Variants in TASP1 observed in about 807,000 individuals in gnomAD.
TASP1 encodes threonine aspartase 1.
A neutral mutation model predicts 56.6 loss-of-function variants in TASP1; 16 were observed. That is an observed-to-expected ratio of 0.28 (90% CI 0.19 to 0.43). The LOEUF is 0.43. TASP1 is among the 20% of genes least tolerant of loss of function. The pLI, the probability that TASP1 is intolerant of heterozygous loss-of-function variation, is 1.00. For missense variants in TASP1, 393 were observed against 511.6 expected (o/e 0.77, Z 2.24); for synonymous variants, 179 against 184.2 (o/e 0.97, Z 0.23).
chr20:13,477,782 T>G (rs2042995592), intron 11 of TASP1, among the ~76,000 whole-genome samples: 1 of 152,174 alleles, frequency 6.6e-6, no homozygotes. Flanking sequence ...AGGCACTATT[T>G]TTACAGTACC....
the TASP1 span, among the ~76,000 whole-genome samples, chr20:13,209,616 C>G: frequency 6.6e-6 from 1 of 152,062 alleles, no homozygotes; most frequent in Admixed American, 6.5e-5. Flanking sequence ...GGCAAGAGTC[C>G]TAGTCATGAC....
chr20:13,394,067 G>C (rs572146589), intron 13 of TASP1, among the ~76,000 whole-genome samples: 1 of 151,240 alleles, frequency 6.6e-6, no homozygotes, highest in Non-Finnish European at 1.5e-5. Flanking sequence ...GATCCCCCGA[G>C]GTCAGGAGTT....
the TASP1 span, among the ~76,000 whole-genome samples, chr20:13,194,604 T>C: frequency 1.2e-4 from 18 of 151,792 alleles, no homozygotes; most frequent in Non-Finnish European, 1.9e-4. Flanking sequence ...TTTCCATGTG[T>C]CTTTTCTGCC....
chr20:13,488,959 C>G (rs1429631382), intron 10 of TASP1, among the ~76,000 whole-genome samples: 1 of 152,202 alleles, frequency 6.6e-6, no homozygotes, highest in Non-Finnish European at 1.5e-5. Flanking sequence ...CTGCTGCTCT[C>G]ACTTCATCAA....
chr20:13,160,284 C>T, the TASP1 span: 687 of 862,298 alleles, frequency 8.0e-4, 2 homozygotes, highest in African/African-American at 0.01. Flanking sequence ...AACAAGAGCT[C>T]GTCAACAACA....
At chr20:13,138,335 C>T in the TASP1 span, among the ~76,000 whole-genome samples, 14 of 152,294 alleles carry the variant, frequency 9.2e-5, no homozygotes, top group South Asian at 2.9e-3. Flanking sequence ...AGGCTCTCAT[C>T]CCTCCCCACA....
At chr20:13,599,277 C>T (rs954456900) in intron 4 of TASP1, among the ~76,000 whole-genome samples, 2 of 152,158 alleles carry the variant, frequency 1.3e-5, no homozygotes, top group South Asian at 2.1e-4. Flanking sequence ...TGGAACCAAC[C>T]TAAACATCCA....
intron 13 of TASP1, among the ~76,000 whole-genome samples, chr20:13,399,272 T>A (rs1052919533): frequency 6.6e-6 from 1 of 152,160 alleles, no homozygotes; most frequent in Non-Finnish European, 1.5e-5. Context: ...CATCCAAATG[T>A]TTTTTAAAAA....
At chr20:13,422,514 G>T (rs2042479845) in intron 12 of TASP1, among the ~76,000 whole-genome samples, 1 of 151,794 alleles carries the variant, frequency 6.6e-6, no homozygotes, top group African/African-American at 2.4e-5. Flanking sequence ...CTTTTATCTG[G>T]GTGTATCATA....
the TASP1 span, among the ~76,000 whole-genome samples, chr20:13,130,265 C>T: frequency 2.6e-5 from 4 of 152,170 alleles, no homozygotes; most frequent in Non-Finnish European, 5.9e-5. Flanking sequence ...TAAAGTTGCC[C>T]AGAGCTCAAA....
chr20:13,169,407 A>G, the TASP1 span, among the ~76,000 whole-genome samples: 1 of 152,190 alleles, frequency 6.6e-6, no homozygotes, highest in Non-Finnish European at 1.5e-5. Context: ...ACAATGGTAC[A>G]ATACAAACGT....
the TASP1 span, among the ~76,000 whole-genome samples, chr20:13,290,069 C>T: frequency 3.3e-5 from 5 of 152,116 alleles, no homozygotes; most frequent in Admixed American, 6.5e-5. Context: ...AAAGGGGACA[C>T]GTAGAAAACA....
At chr20:13,630,279 A>G (rs1156988436) in intron 1 of TASP1, 127 bp from the exon 2 acceptor site, 2 of 509,822 alleles carry the variant, frequency 3.9e-6, no homozygotes, top group East Asian at 3.6e-5. Flanking sequence ...CAATACAAAA[A>G]AGGTATCAAA....
the TASP1 span, among the ~76,000 whole-genome samples, chr20:13,337,365 T>A: frequency 6.6e-6 from 1 of 152,212 alleles, no homozygotes; most frequent in Admixed American, 6.5e-5. Context: ...GACCTTGCCC[T>A]TTGAAGTAAG....
At chr20:13,221,867 G>T in the TASP1 span, 4 of 1,418,614 alleles carry the variant, frequency 2.8e-6, no homozygotes, top group African/African-American at 1.5e-5. Context: ...GGGAGCCGCC[G>T]ACGGGCCCGA....
chr20:13,212,605 C>T, the TASP1 span, among the ~76,000 whole-genome samples: 1 of 152,038 alleles, frequency 6.6e-6, no homozygotes, highest in Non-Finnish European at 1.5e-5. Flanking sequence ...CTTTCATGGC[C>T]CCGACAAATA....
intron 11 of TASP1, among the ~76,000 whole-genome samples, chr20:13,455,183 A>G (rs2043783758): frequency 6.6e-6 from 1 of 152,136 alleles, no homozygotes; most frequent in Admixed American, 6.6e-5. Context: ...TAAATCTTAT[A>G]ATTTAACACT....
chr20:13,483,901 T>C lies in TASP1; in HGVS notation c.875-564A>G, dbSNP rs189433084. Among the ~76,000 whole-genome samples, 22 of 152,240 alleles carry C rather than the reference T, an allele frequency of 1.4e-4. No homozygotes were observed. The East Asian group carries it at 4.1e-3, about 28-fold the overall frequency. On this transcript the variant is annotated intron_variant, in intron 10 of 13. Transcript: ENST00000337743. ...ACAGAATGGGAGAAAATTTTTGCAA[T>C]GTACTCATCTGACAAAGGGCTAATA...
intron 8 of TASP1, among the ~76,000 whole-genome samples, chr20:13,550,171 CACACACACACACACAG>C (rs2045935173): frequency 6.6e-6 from 1 of 151,390 alleles, no homozygotes; most frequent in Non-Finnish European, 1.5e-5. Flanking sequence ...CACACACACA[CACACACACACACACAG>C]AGACACTGCA....
Sources: allele counts gnomAD v4.1 joint callset (sites outside exome capture counted in the v4.1 genomes callset), GRCh38; gene constraint gnomAD v4.1.1; transcripts MANE v1.5; gene names NCBI Gene and HGNC (gene_info 2026-07-23, HGNC 2026-07-21).